Variants in RNF24 observed in about 807,000 individuals in gnomAD.
The protein encoded by RNF24 is ring finger protein 24.
RNF24 carries 14 observed loss-of-function variants against 20.0 expected under a neutral mutation model. The observed-to-expected ratio is 0.70, with a 90% CI of 0.46 to 1.10. The LOEUF is 1.10. RNF24 is among the 50% of genes least tolerant of loss of function. RNF24 has a pLI of 0.00. For missense variants in RNF24, 124 were observed against 177.6 expected (o/e 0.70, Z 1.71); for synonymous variants, 45 against 61.1 (o/e 0.74, Z 1.23).
chr20:3,974,225 TG>T (rs2147010569), intron 1 of RNF24: 2 of 1,107,640 alleles, frequency 1.8e-6, no homozygotes, highest in South Asian at 3.5e-5. Context: ...TTCTTCAACA[TG>T]TTAAAAAGCA....
intron 1 of RNF24, among the ~76,000 whole-genome samples, chr20:3,974,674 T>G (rs1978706354): frequency 6.6e-6 from 1 of 151,910 alleles, no homozygotes; most frequent in Non-Finnish European, 1.5e-5. Context: ...AAAAAAGAAA[T>G]ACAAAGAATT....
chr20:3,983,321 G>C (rs1979588947), intron 1 of RNF24, among the ~76,000 whole-genome samples: 1 of 151,978 alleles, frequency 6.6e-6, no homozygotes, highest in Admixed American at 6.6e-5. Flanking sequence ...CTTTTCTTTA[G>C]TTTATCCCTA....
Position 3,933,913 on chromosome 20 carries a change from TC to T in RNF24, c.*149del. ...TGTCACAAGACCCAGACACCTAGGT[TC>T]CCAGTTTGGCTGGCCCAAGAGTTCT... On this transcript the variant is annotated 3_prime_UTR_variant, in exon 6 of 6. Transcript: ENST00000358395. 1 of 669,646 alleles carries T rather than the reference TC, an allele frequency of 1.5e-6. No homozygotes were observed. The highest frequency in any genetic ancestry group is 2.2e-6 in the Non-Finnish European group (1 of 444,446). 41.5% of individuals were successfully genotyped at this position (669,646 alleles called of 1,614,324 possible).
At chr20:4,014,396 T>G (rs1223420071) in intron 1 of RNF24, among the ~76,000 whole-genome samples, 1 of 152,226 alleles carries the variant, frequency 6.6e-6, no homozygotes, top group Non-Finnish European at 1.5e-5. Context: ...AGTATTCCTA[T>G]AGACATGTTT....
chr20:4,003,633 C>CTTT (rs377227990), intron 1 of RNF24, among the ~76,000 whole-genome samples: 2,132 of 84,338 alleles, frequency 0.025, 520 homozygotes, highest in African/African-American at 0.036. Context: ...TTAGAAACTC[C>CTTT]TTTTTTTTTT....
intron 1 of RNF24, among the ~76,000 whole-genome samples, chr20:3,999,130 T>C (rs1364201682): frequency 6.6e-6 from 1 of 152,100 alleles, no homozygotes; most frequent in Non-Finnish European, 1.5e-5. Flanking sequence ...ACCATAGATA[T>C]CATATAAGAA....
chr20:3,959,714 T>C lies in RNF24; in HGVS notation c.143+4161A>G, dbSNP rs1370538027. On this transcript the variant is annotated intron_variant, in intron 2 of 5. Transcript: ENST00000358395. Reference sequence around the variant, plus strand: ...AGAGATAACCCATTTTTTCCCCCTTTAGCTCACTATTTTGATCCTGACTTT... The same window carrying C: ...AGAGATAACCCATTTTTTCCCCCTTCAGCTCACTATTTTGATCCTGACTTT... Among the ~76,000 whole-genome samples the C allele has an allele frequency of 3.3e-5, 5 of 152,312 alleles. No homozygotes were observed. The East Asian group carries it at 9.6e-4, about 29-fold the overall frequency.
intron 2 of RNF24, among the ~76,000 whole-genome samples, chr20:3,954,004 C>T (rs1457300409): frequency 6.6e-6 from 1 of 152,124 alleles, no homozygotes; most frequent in Admixed American, 6.5e-5. Flanking sequence ...TGATCCCCTG[C>T]CTCAGACTCC....
chr20:3,974,358 A>G (rs1172358524), intron 1 of RNF24: 4 of 1,550,574 alleles, frequency 2.6e-6, no homozygotes, highest in East Asian at 2.4e-5. Context: ...ACAAGGCAGG[A>G]TATCTGCTCT....
chr20:4,005,604 C>G (rs996627522), intron 1 of RNF24, among the ~76,000 whole-genome samples: 1 of 152,144 alleles, frequency 6.6e-6, no homozygotes, highest in African/African-American at 2.4e-5. Flanking sequence ...TTTTTTCATT[C>G]AGTCCAAGAT....
At chr20:3,972,826 C>A (rs1978477528) in intron 1 of RNF24, among the ~76,000 whole-genome samples, 2 of 152,064 alleles carry the variant, frequency 1.3e-5, no homozygotes, top group Non-Finnish European at 2.9e-5. Context: ...TCGCTTGAAT[C>A]CTGGCGGCGG....
intron 1 of RNF24, among the ~76,000 whole-genome samples, chr20:3,989,742 TGA>T (rs1269972641): frequency 2.0e-5 from 3 of 152,154 alleles, no homozygotes; most frequent in South Asian, 2.1e-4. Flanking sequence ...ACTGATGGTG[TGA>T]GAGTCTCCAG....
At chr20:3,939,246 GC>G (rs1186252160) in intron 4 of RNF24, among the ~76,000 whole-genome samples, 18 of 152,148 alleles carry the variant, frequency 1.2e-4, no homozygotes, top group African/African-American at 4.1e-4. Context: ...TTCCCCCTCA[GC>G]CCCCTGAGGA....
At chr20:3,941,060 G>C (rs1484323907) in intron 4 of RNF24, among the ~76,000 whole-genome samples, 1 of 152,188 alleles carries the variant, frequency 6.6e-6, no homozygotes. Flanking sequence ...GCCTCACTCT[G>C]TCACCTACGC....
At chr20:3,954,273 C>CT (rs1331516761) in intron 2 of RNF24, among the ~76,000 whole-genome samples, 1 of 152,138 alleles carries the variant, frequency 6.6e-6, no homozygotes, top group Non-Finnish European at 1.5e-5. Flanking sequence ...CCTGCAACCT[C>CT]TTATCTGCTT....
chr20:4,014,079 C>A (rs1052889712), intron 1 of RNF24, among the ~76,000 whole-genome samples: 1 of 152,190 alleles, frequency 6.6e-6, no homozygotes, highest in African/African-American at 2.4e-5. Flanking sequence ...GAACCTACAG[C>A]GCTTCCTTCT....
chr20:3,939,214 A>G (rs1028829716), intron 4 of RNF24, among the ~76,000 whole-genome samples: 1 of 152,078 alleles, frequency 6.6e-6, no homozygotes, highest in Non-Finnish European at 1.5e-5. Flanking sequence ...GGCTGGTCTC[A>G]AATTCCTGGA....
intron 1 of RNF24, among the ~76,000 whole-genome samples, chr20:3,967,535 G>A (rs1282037566): frequency 6.6e-6 from 1 of 152,046 alleles, no homozygotes; most frequent in Non-Finnish European, 1.5e-5. Flanking sequence ...CTTGAGATTT[G>A]GATGCCTACA....
chr20:3,987,616 A>C (rs1980042037), intron 1 of RNF24, among the ~76,000 whole-genome samples: 1 of 152,198 alleles, frequency 6.6e-6, no homozygotes, highest in South Asian at 2.1e-4. Flanking sequence ...GGTCAGCATA[A>C]CAGATATCTG....
Sources: allele counts gnomAD v4.1 joint callset (sites outside exome capture counted in the v4.1 genomes callset), GRCh38; gene constraint gnomAD v4.1.1; transcripts MANE v1.5; gene names NCBI Gene and HGNC (gene_info 2026-07-23, HGNC 2026-07-21).